The following STX8 variants were observed in gnomAD, a reference collection of about 807,000 sequenced individuals.
STX8 encodes the protein syntaxin-8.
A neutral mutation model predicts 37.5 loss-of-function variants in STX8; 23 were observed. The observed-to-expected ratio is 0.61, with a 90% CI of 0.44 to 0.87. The LOEUF is 0.87. Among genes scored for constraint, STX8 ranks in the 40% least tolerant of loss-of-function variants. STX8 has a pLI of 0.00. For synonymous variants in STX8, 115 were observed against 99.1 expected, an observed-to-expected ratio of 1.16 and a Z score of -0.95; for missense variants, 313 against 284.7, an observed-to-expected ratio of 1.10 and a Z score of -0.71.
chr17:9,562,499 CGAG>C (rs933607959), intron 2 of STX8, among the ~76,000 whole-genome samples: 1 of 151,212 alleles, frequency 6.6e-6, no homozygotes. Context: ...CAATTTATCA[CGAG>C]GAGCTAATCT....
At chr17:9,349,316 CT>C (rs61627405) in intron 7 of STX8, among the ~76,000 whole-genome samples, 108 of 109,770 alleles carry the variant, frequency 9.8e-4, no homozygotes, top group Middle Eastern at 5.7e-3. Context: ...ATTTTCTTTT[CT>C]TTTTTTTTTT....
At chr17:9,285,940 ACTT>A (rs906819780) in intron 7 of STX8, among the ~76,000 whole-genome samples, 2 of 152,214 alleles carry the variant, frequency 1.3e-5, no homozygotes, top group African/African-American at 4.8e-5. Context: ...ATTGTAACGA[ACTT>A]CTTCTGGAAT....
intron 7 of STX8, among the ~76,000 whole-genome samples, chr17:9,293,619 T>C (rs1319651313): frequency 6.6e-6 from 1 of 152,098 alleles, no homozygotes; most frequent in East Asian, 1.9e-4. Flanking sequence ...AATGTTACCA[T>C]AAAAATAGAA....
intron 7 of STX8, among the ~76,000 whole-genome samples, chr17:9,287,402 G>A (rs1160449684): frequency 6.6e-6 from 1 of 152,160 alleles, no homozygotes; most frequent in Non-Finnish European, 1.5e-5. Flanking sequence ...GGTGAAACTG[G>A]ACTGGGGAGC....
At chr17:9,490,059 T>C (rs1313185011) in intron 6 of STX8, among the ~76,000 whole-genome samples, 1 of 152,186 alleles carries the variant, frequency 6.6e-6, no homozygotes, top group Non-Finnish European at 1.5e-5. Context: ...TATATGCAAA[T>C]ACATAAATTA....
chr17:9,340,804 T>C (rs979642576), intron 7 of STX8, among the ~76,000 whole-genome samples: 6 of 150,406 alleles, frequency 4.0e-5, no homozygotes, highest in African/African-American at 1.2e-4. Flanking sequence ...ATGACAGGCA[T>C]GTGCGACTAT....
At chr17:9,429,682 G>A (rs1472716797) in intron 6 of STX8, among the ~76,000 whole-genome samples, 21 of 117,076 alleles carry the variant, frequency 1.8e-4, no homozygotes, top group South Asian at 1.2e-3. Context: ...CAGCCTGGGC[G>A]ACAGTGCAAG....
intron 7 of STX8, among the ~76,000 whole-genome samples, chr17:9,362,860 TAAA>T (rs1911111944): frequency 2.4e-4 from 36 of 148,522 alleles, no homozygotes; most frequent in Admixed American, 2.0e-4. Context: ...AATAAATAAA[TAAA>T]TAATCTCTTT....
chr17:9,575,718 T>A (rs1046570066), intron 1 of STX8, 74 bp downstream of exon 1: 1 of 1,524,548 alleles, frequency 6.6e-7, no homozygotes, highest in Non-Finnish European at 8.9e-7. Context: ...CAATGCGAAG[T>A]GATTGCCTGC....
intron 4 of STX8, among the ~76,000 whole-genome samples, chr17:9,531,642 G>A (rs1417375699): frequency 6.6e-6 from 1 of 152,152 alleles, no homozygotes; most frequent in Non-Finnish European, 1.5e-5. Flanking sequence ...ACAGGGCTCA[G>A]TACTACCCAA....
At chr17:9,253,180 T>G (rs1906651081) in intron 7 of STX8, among the ~76,000 whole-genome samples, 1 of 149,034 alleles carries the variant, frequency 6.7e-6, no homozygotes, top group Non-Finnish European at 1.5e-5. Context: ...CATTTCAAGA[T>G]GCTTGCAGCA....
intron 4 of STX8, among the ~76,000 whole-genome samples, chr17:9,519,122 T>C (rs1269857620): frequency 6.6e-6 from 1 of 152,124 alleles, no homozygotes; most frequent in Non-Finnish European, 1.5e-5. Flanking sequence ...TCCCACCCCT[T>C]ACCTGATTGA....
chr17:9,279,331 C>T (rs1432037535), intron 7 of STX8, among the ~76,000 whole-genome samples: 1 of 152,130 alleles, frequency 6.6e-6, no homozygotes, highest in Non-Finnish European at 1.5e-5. Flanking sequence ...TCAGGTGATC[C>T]ACCCACCTTA....
chr17:9,321,707 A>G (rs1242494625), intron 7 of STX8, among the ~76,000 whole-genome samples: 1 of 151,736 alleles, frequency 6.6e-6, no homozygotes, highest in African/African-American at 2.4e-5. Flanking sequence ...TTTAGTAGAG[A>G]CGGGGTTTCA....
chr17:9,450,329 G>C (rs1030023991), intron 6 of STX8, among the ~76,000 whole-genome samples: 1 of 151,802 alleles, frequency 6.6e-6, no homozygotes, highest in African/African-American at 2.4e-5. Context: ...GCCCGCCTCG[G>C]CCTCCCAAAG....
chr17:9,542,617 C>CAGTGAGCCAAG (rs1906327305), intron 4 of STX8, among the ~76,000 whole-genome samples: 1 of 151,944 alleles, frequency 6.6e-6, no homozygotes, highest in African/African-American at 2.4e-5. Flanking sequence ...GCGGAGCTTG[C>CAGTGAGCCAAG]AGTGAGCCAA....
At chr17:9,471,538 C>T (rs552868878) in intron 6 of STX8, among the ~76,000 whole-genome samples, 2 of 152,202 alleles carry the variant, frequency 1.3e-5, no homozygotes, top group South Asian at 4.2e-4. Context: ...GAAGGACCCG[C>T]CATTAACTGG....
At chr17:9,296,604 A>G (rs1567772917) in intron 7 of STX8, among the ~76,000 whole-genome samples, 1 of 147,816 alleles carries the variant, frequency 6.8e-6, no homozygotes, top group Non-Finnish European at 1.5e-5. Flanking sequence ...CTGGAAGGAA[A>G]AAAAGAAGTA....
chr17:9,422,029 T>C (rs999780789), intron 6 of STX8, among the ~76,000 whole-genome samples: 1 of 152,126 alleles, frequency 6.6e-6, no homozygotes, highest in Non-Finnish European at 1.5e-5. Flanking sequence ...CGCCGAGCCA[T>C]GCTTCCTGTA....
Sources: allele counts gnomAD v4.1 joint callset (sites outside exome capture counted in the v4.1 genomes callset), GRCh38; gene constraint gnomAD v4.1.1; transcripts MANE v1.5; gene names NCBI Gene and HGNC (gene_info 2026-07-23, HGNC 2026-07-21).